The following ROBO1 variants were observed in gnomAD, a reference collection of about 807,000 sequenced individuals.
The protein encoded by ROBO1 is roundabout guidance receptor 1, also known as roundabout homolog 1.
ROBO1 carries 149 observed loss-of-function variants against 195.9 expected under a neutral mutation model. That is an observed-to-expected ratio of 0.76 (90% CI 0.67 to 0.87). The LOEUF is 0.87. Among genes scored for constraint, ROBO1 ranks in the 40% least tolerant of loss-of-function variants. The pLI, the probability that ROBO1 is intolerant of heterozygous loss-of-function variation, is 0.00. For synonymous variants in ROBO1, 816 were observed against 733.2 expected (o/e 1.11, Z -1.82); for missense variants, 1,933 against 2,068.3 (o/e 0.93, Z 1.27).
At chr3:78,851,903 TA>T (rs1236377048) in intron 4 of ROBO1, among the ~76,000 whole-genome samples, 2 of 152,062 alleles carry the variant, frequency 1.3e-5, no homozygotes, top group South Asian at 2.1e-4. Flanking sequence ...GCCAACACAT[TA>T]AAAAAACTAT....
intron 3 of ROBO1, among the ~76,000 whole-genome samples, chr3:78,991,250 C>T (rs2077230694): frequency 6.6e-6 from 1 of 152,014 alleles, no homozygotes; most frequent in Admixed American, 6.6e-5. Flanking sequence ...CACCAATGAA[C>T]AAGAGATATT....
At chr3:79,447,032 T>C (rs2039282511) in intron 2 of ROBO1, among the ~76,000 whole-genome samples, 3 of 151,896 alleles carry the variant, frequency 2.0e-5, no homozygotes, top group African/African-American at 7.3e-5. Context: ...GGTTTCACCA[T>C]GTTGGCCAGT....
At chr3:79,452,280 A>C (rs6788458) in intron 2 of ROBO1, among the ~76,000 whole-genome samples, 101,379 of 151,846 alleles carry the variant, frequency 0.67, 35,332 homozygotes, top group African/African-American at 0.89. Context: ...TTTAAAATAA[A>C]CCACATGGGG....
intron 2 of ROBO1, among the ~76,000 whole-genome samples, chr3:79,139,144 A>T (rs1241382636): frequency 6.6e-6 from 1 of 151,418 alleles, no homozygotes; most frequent in Non-Finnish European, 1.5e-5. Flanking sequence ...TAACATATAT[A>T]TATATTTTAT....
intron 1 of ROBO1, among the ~76,000 whole-genome samples, chr3:79,687,945 C>T (rs1010755126): frequency 4.6e-5 from 7 of 151,924 alleles, no homozygotes; most frequent in African/African-American, 9.7e-5. Flanking sequence ...GCACTATTCA[C>T]AATAGCAAAG....
At chr3:79,665,706 A>C (rs1358498231) in intron 1 of ROBO1, among the ~76,000 whole-genome samples, 2 of 151,960 alleles carry the variant, frequency 1.3e-5, no homozygotes, top group African/African-American at 4.8e-5. Context: ...TGACGCTTGC[A>C]AAATGAGAAA....
At chr3:78,760,999 AATTATT>A (rs1310593284) in intron 4 of ROBO1, among the ~76,000 whole-genome samples, 1 of 152,112 alleles carries the variant, frequency 6.6e-6, no homozygotes, top group Non-Finnish European at 1.5e-5. Context: ...AATCAAATTT[AATTATT>A]ATTGAGTTAT....
intron 4 of ROBO1, among the ~76,000 whole-genome samples, chr3:78,800,576 A>C (rs2084336925): frequency 6.6e-6 from 1 of 152,016 alleles, no homozygotes; most frequent in African/African-American, 2.4e-5. Context: ...TTGTTTTAGA[A>C]GACAGAGTCT....
intron 3 of ROBO1, among the ~76,000 whole-genome samples, chr3:78,953,309 AG>A (rs1373807119): frequency 2.0e-5 from 3 of 152,054 alleles, no homozygotes; most frequent in African/African-American, 7.2e-5. Flanking sequence ...TTTGCCCCTT[AG>A]TAAAATGCTC....
chr3:78,673,674 A>C (rs1206987016), intron 10 of ROBO1, among the ~76,000 whole-genome samples: 2 of 145,344 alleles, frequency 1.4e-5, no homozygotes, highest in African/African-American at 5.0e-5. Flanking sequence ...GAAAGACTTC[A>C]AAACCCGTCC....
intron 3 of ROBO1, among the ~76,000 whole-genome samples, chr3:78,947,507 G>C (rs1471374957): frequency 6.6e-6 from 1 of 152,142 alleles, no homozygotes. Context: ...CAGAATCTCT[G>C]GGACACATTC....
At chr3:79,212,158 C>T (rs2108804121) in intron 2 of ROBO1, among the ~76,000 whole-genome samples, 1 of 152,282 alleles carries the variant, frequency 6.6e-6, no homozygotes, top group African/African-American at 2.4e-5. Context: ...GTTCCTTGCT[C>T]TCATTCCGGT....
intron 2 of ROBO1, among the ~76,000 whole-genome samples, chr3:79,270,026 T>A (rs1282331542): frequency 6.6e-6 from 1 of 151,838 alleles, no homozygotes. Flanking sequence ...TTAATCATGA[T>A]ACAAAGTGTC....
chr3:79,567,218 CAT>C (rs1389444026), intron 2 of ROBO1, among the ~76,000 whole-genome samples: 1 of 152,028 alleles, frequency 6.6e-6, no homozygotes. Context: ...CACATGGACA[CAT>C]AGAGGGAAAC....
At chr3:79,764,040 T>A (rs1704854254) in intron 1 of ROBO1, among the ~76,000 whole-genome samples, 2 of 152,210 alleles carry the variant, frequency 1.3e-5, no homozygotes, top group Admixed American at 1.3e-4. Flanking sequence ...CTGCCCCTTT[T>A]TGGCTGAATA....
chr3:79,679,934 G>A (rs1037121183), intron 1 of ROBO1, among the ~76,000 whole-genome samples: 2 of 152,042 alleles, frequency 1.3e-5, no homozygotes, highest in African/African-American at 4.8e-5. Context: ...CATGGGATCT[G>A]AAGCACGTCA....
chr3:78,755,945 C>T (rs1040441389), intron 4 of ROBO1, among the ~76,000 whole-genome samples: 1 of 152,050 alleles, frequency 6.6e-6, no homozygotes, highest in South Asian at 2.1e-4. Context: ...ATCTTATTTG[C>T]TAACTGATAA....
intron 3 of ROBO1, among the ~76,000 whole-genome samples, chr3:78,944,537 C>A (rs2040310652): frequency 6.6e-6 from 1 of 152,136 alleles, no homozygotes; most frequent in South Asian, 2.1e-4. Flanking sequence ...GAGGGAGGAG[C>A]CAAGATGGCC....
At chr3:78,642,952 T>C (rs1254157421) in intron 21 of ROBO1, among the ~76,000 whole-genome samples, 2 of 152,094 alleles carry the variant, frequency 1.3e-5, no homozygotes, top group Non-Finnish European at 2.9e-5. Flanking sequence ...ATTTATTCAA[T>C]GGCTCATTCA....
Sources: allele counts gnomAD v4.1 joint callset (sites outside exome capture counted in the v4.1 genomes callset), GRCh38; gene constraint gnomAD v4.1.1; transcripts MANE v1.5; gene names NCBI Gene and HGNC (gene_info 2026-07-23, HGNC 2026-07-21).